Variants in ZNF778 observed in about 807,000 individuals in gnomAD.
ZNF778 encodes the protein zinc finger protein 778.
Under a neutral mutation model 23.9 loss-of-function variants are expected in ZNF778, and 37 were observed. The observed-to-expected ratio is 1.54, with a 90% CI of 1.19 to 2.03. The LOEUF is 2.03. ZNF778 is among the 30% of genes most tolerant of loss of function. ZNF778 has a pLI of 0.00. For missense variants in ZNF778, 1,297 were observed against 934.4 expected (o/e 1.39, Z -5.06); for synonymous variants, 483 against 343.9 (o/e 1.40, Z -4.48).
intron 5 of ZNF778, 27 bp downstream of exon 5, chr16:89,224,829 A>T (rs2031321845): frequency 1.0e-5 from 15 of 1,468,884 alleles, no homozygotes; most frequent in Non-Finnish European, 1.4e-5. Flanking sequence ...CGCCTGGTCG[A>T]TGTCAAGTTT....
At chr16:89,225,118 T>A (rs1466339511) in intron 5 of ZNF778, among the ~76,000 whole-genome samples, 1 of 92,710 alleles carries the variant, frequency 1.1e-5, no homozygotes, top group East Asian at 3.0e-4. Context: ...TGGGTTTTTT[T>A]TTTTTTTTTT....
rs769959029 is a variant in ZNF778 at position 89,227,950 on chromosome 16, TCACA to T, written c.1665_1668del (p.His555GlnfsTer21). On this transcript the variant is annotated frameshift_variant, in exon 7 of 7. Coordinates refer to ENST00000433976, the MANE Select transcript of ZNF778 (RefSeq NM_001201407.2). LOFTEE classifies it low-confidence loss of function (END_TRUNC). ...ATCTACTGAATGAGCATGTGAAAAC[TCACA>T]CAGAGGAGAAGCCCTTTATATGTAC... The T allele has an allele frequency of 3.1e-6, 5 of 1,589,786 alleles. No homozygotes were observed. The highest frequency in any genetic ancestry group is 4.3e-6 in the Non-Finnish European group (5 of 1,165,162).
At chr16:89,221,850 G>A (rs1422259592) in intron 2 of ZNF778, among the ~76,000 whole-genome samples, 2 of 151,368 alleles carry the variant, frequency 1.3e-5, no homozygotes, top group African/African-American at 4.9e-5. Flanking sequence ...TTGAGGAAGT[G>A]TATGGCTGTG....
At position 89,229,071 on chromosome 16, in the gene ZNF778, T is replaced by C. The variant is rs1329652286; in HGVS notation, c.*509T>C. 3.3e-5 allele frequency: 33 copies of C among 992,326 alleles called. No homozygotes were observed. The highest frequency in any genetic ancestry group is 4.0e-5 in the Non-Finnish European group (33 of 834,458). The allele number at this position is 992,326 out of a possible 1,614,324, so 61.5% of individuals were successfully genotyped here. On this transcript the variant is annotated 3_prime_UTR_variant, in exon 7 of 7. Transcript: ENST00000433976. Reference sequence around the variant, plus strand: ...GTTCTGTAGACGTATTTTGAATCTTTATGATGCTGCACTGATCATTCTTGG... The same window carrying C: ...GTTCTGTAGACGTATTTTGAATCTTCATGATGCTGCACTGATCATTCTTGG...
In ZNF778 at chr16:89,228,382, G is replaced by A. The variant is rs1441630811; in HGVS notation, c.2094G>A (p.Gln698=). 1 of 1,613,796 alleles carries A rather than the reference G, an allele frequency of 6.2e-7. No homozygotes were observed. The highest frequency in any genetic ancestry group is 1.1e-5 in the South Asian group (1 of 91,022). ...LHKHGRIHTG[Q]KPYKCKECGK... ...AACATGGAAGAATTCACACTGGGCA[G>A]AAACCCTATAAATGTAAGGAATGTG... is the stretch of plus-strand genomic sequence containing the variant. Residue 698 remains glutamine (Q), a synonymous_variant, in exon 7 of 7, where the codon CAG becomes CAA. Coordinates refer to ENST00000433976, the MANE Select transcript of ZNF778 (RefSeq NM_001201407.2).
chr16:89,222,157 G>C lies in ZNF778; in HGVS notation c.91G>C (p.Ala31Pro), dbSNP rs747537777. 1.2e-6 allele frequency: 2 copies of C among 1,603,946 alleles called. No homozygotes were observed. The highest frequency in any genetic ancestry group is 1.7e-6 in the Non-Finnish European group (2 of 1,173,374). The change falls in exon 3 of 7, where the codon GCT becomes CCT. Residue 31 changes from alanine (A) to proline (P), a missense_variant. Transcript: ENST00000433976. Reference sequence around the variant, plus strand: ...ACAGACACAGGCAGCAGGGATGGTGGCTGGCTGGCTGATAAATTGTTACCA... The same window carrying C: ...ACAGACACAGGCAGCAGGGATGGTGCCTGGCTGGCTGATAAATTGTTACCA... ...EEQTQAAGMV[A>P]GWLINCYQDA...
rs1366123291 is a variant in ZNF778, at chr16:89,232,968, T to G, written c.*4406T>G. The G allele has an allele frequency of 3.2e-6, 4 of 1,265,732 alleles. No individual in the cohort carries two copies. The Admixed American group carries it at 9.6e-5, about 30-fold the overall frequency. 78.4% of individuals were successfully genotyped at this position (1,265,732 alleles called of 1,614,324 possible). A position where few individuals can be genotyped will look rare whatever the true frequency, so the allele number is the denominator to read the frequency against. ...TATGCAACTCAGCTCGCTCTGCGTA[T>G]GCAACTGAGCTCGCTCTGCGTATGC... On this transcript the variant is annotated 3_prime_UTR_variant, in exon 7 of 7. Transcript: ENST00000433976.
rs1043912153 is a variant in ZNF778, at chr16:89,232,920, C to T, written c.*4358C>T. 7.8e-6 allele frequency: 10 copies of T among 1,276,218 alleles called. No individual in the cohort carries two copies. Among genetic ancestry groups the T allele is most frequent in the African/African-American group, 1.6e-5 (1 of 62,480 alleles). The allele number at this position is 1,276,218 out of a possible 1,614,324, so 79.1% of individuals were successfully genotyped here. On this transcript the variant is annotated 3_prime_UTR_variant, in exon 7 of 7. Transcript: ENST00000433976. ...TGCGTATGCAACTCAACTCGCACTG[C>T]GTATGCGAATCCACTCACTGCCTAT... is the stretch of plus-strand genomic sequence containing the variant.
At chr16:89,223,095 A>C (rs2031125808) in intron 3 of ZNF778, 62 bp from the exon 4 acceptor site, 2 of 1,572,960 alleles carry the variant, frequency 1.3e-6, no homozygotes, top group Non-Finnish European at 1.7e-6. Context: ...CCGCCTCCTC[A>C]TTCTTCAGTG....
rs1388556564 is a variant in ZNF778, at chr16:89,230,016, T to C, written c.*1454T>C. On this transcript the variant is annotated 3_prime_UTR_variant, in exon 7 of 7. Coordinates refer to ENST00000433976, the MANE Select transcript of ZNF778 (RefSeq NM_001201407.2). ...CTGTGTGAGCAGTGTAGGCTCTGGT[T>C]GGTTAGTCTTAAGTATCCAGATGGG... 5.1e-6 allele frequency: 5 copies of C among 981,248 alleles called. No individual in the cohort carries two copies. The African/African-American group carries it at 8.8e-5, about 17-fold the overall frequency. 60.8% of individuals were successfully genotyped at this position (981,248 alleles called of 1,614,324 possible).
Position 89,234,074 on chromosome 16 carries a change from C to A in ZNF778, c.*5512C>A. On this transcript the variant is annotated 3_prime_UTR_variant, in exon 7 of 7. Transcript: ENST00000433976. Reference sequence around the variant, plus strand: ...TGCCTCCTGCCCAGCTCTGCAGCTCCCCTTGGGCCCTGCCTGGAGTGATGT... The same window carrying A: ...TGCCTCCTGCCCAGCTCTGCAGCTCACCTTGGGCCCTGCCTGGAGTGATGT... 2 of 640,414 alleles carry A rather than the reference C, an allele frequency of 3.1e-6. No individual in the cohort carries two copies. The highest frequency in any genetic ancestry group is 1.9e-5 in the African/African-American group (1 of 53,694). The allele number at this position is 640,414 out of a possible 1,614,324, so 39.7% of individuals were successfully genotyped here. A position where few individuals can be genotyped will look rare whatever the true frequency, so the allele number is the denominator to read the frequency against.
intron 1 of ZNF778, among the ~76,000 whole-genome samples, chr16:89,219,727 T>A (rs763370123): frequency 4.6e-5 from 7 of 152,234 alleles, no homozygotes; most frequent in Non-Finnish European, 1.0e-4. Flanking sequence ...TCCTGCACCC[T>A]GAATGTGCAC....
At chr16:89,224,603 C>T (rs543006751) in intron 4 of ZNF778, 116 bp from the exon 5 acceptor site, 10 of 723,528 alleles carry the variant, frequency 1.4e-5, no homozygotes, top group Admixed American at 2.2e-5. Context: ...TGGGCAACAG[C>T]GCGAGACGCT....
Position 89,226,736 on chromosome 16 carries a change from T to A in ZNF778, c.448T>A (p.Cys150Ser). Residue 150 changes from cysteine (C) to serine (S), a missense_variant, in exon 7 of 7, where the codon TGT (cysteine) becomes AGT (serine). Coordinates refer to ENST00000433976, the MANE Select transcript of ZNF778 (RefSeq NM_001201407.2). ...NGGQLCDRTQ[C>S]GEAFSEHSGL... ...AGGGCAGCTCTGTGACCGCACGCAGTGTGGAGAAGCTTTCAGTGAACACTC... is the reference window on the plus strand; with the variant it reads ...AGGGCAGCTCTGTGACCGCACGCAGAGTGGAGAAGCTTTCAGTGAACACTC... The A allele has an allele frequency of 6.2e-7, 1 of 1,613,836 alleles. No homozygotes were observed. The highest frequency in any genetic ancestry group is 8.5e-7 in the Non-Finnish European group (1 of 1,179,800).
At chr16:89,218,440 C>A (rs569889830) in intron 1 of ZNF778, 2 of 152,216 alleles carry the variant, frequency 1.3e-5, no homozygotes, top group Non-Finnish European at 2.9e-5. Flanking sequence ...GGTAAAGCGT[C>A]TGTTAAGGGT....
At chr16:89,218,980 G>A (rs537321929) in intron 1 of ZNF778, among the ~76,000 whole-genome samples, 1 of 151,614 alleles carries the variant, frequency 6.6e-6, no homozygotes, top group Admixed American at 6.6e-5. Context: ...GGTGGCGCAT[G>A]CCTGTAATCC....
chr16:89,232,860 A>ATCAACTCGCACTGCGTCTGCAAC lies in ZNF778; in HGVS notation c.*4314_*4315insCTGCAACTCAACTCGCACTGCGT, dbSNP rs2032003641. ...AACTCAACTCACACCGTGTATGCAA[A>ATCAACTCGCACTGCGTCTGCAAC]TCAACTCGCACTGCGTATGCAACTC... On this transcript the variant is annotated 3_prime_UTR_variant, in exon 7 of 7. Coordinates refer to ENST00000433976, the MANE Select transcript of ZNF778 (RefSeq NM_001201407.2). The ATCAACTCGCACTGCGTCTGCAAC allele has an allele frequency of 8.8e-7, 1 of 1,141,174 alleles. No individual in the cohort carries two copies. Among genetic ancestry groups the ATCAACTCGCACTGCGTCTGCAAC allele is most frequent in the Admixed American group, 2.5e-5 (1 of 39,408 alleles). The allele number at this position is 1,141,174 out of a possible 1,614,324, so 70.7% of individuals were successfully genotyped here.
Position 89,227,522 on chromosome 16 carries a change from G to A in ZNF778, c.1234G>A (p.Val412Ile). 2 of 1,614,068 alleles carry A rather than the reference G, an allele frequency of 1.2e-6. No individual in the cohort carries two copies. The highest frequency in any genetic ancestry group is 1.7e-6 in the Non-Finnish European group (2 of 1,179,990). The part of the protein sequence containing the change: ...FRNSSCLNNH[V>I]RIHTGIKPYT... ...AAATTCCTCATGCCTTAATAATCATGTTCGAATTCACACTGGAATAAAACC... is the reference window on the plus strand; with the variant it reads ...AAATTCCTCATGCCTTAATAATCATATTCGAATTCACACTGGAATAAAACC... The change falls in exon 7 of 7, where the codon GTT (valine) becomes ATT (isoleucine). Residue 412 changes from valine (V) to isoleucine (I), a missense_variant. Val to Ile is a conservative substitution (Grantham distance 29, BLOSUM62 3). Coordinates refer to ENST00000433976, the MANE Select transcript of ZNF778 (RefSeq NM_001201407.2).
chr16:89,227,367 C>T lies in ZNF778; in HGVS notation c.1079C>T (p.Pro360Leu). 4 of 1,613,956 alleles carry T rather than the reference C, an allele frequency of 2.5e-6. No homozygotes were observed. The highest frequency in any genetic ancestry group is 3.4e-6 in the Non-Finnish European group (4 of 1,179,858). The change falls in exon 7 of 7, where the codon CCT becomes CTT. Residue 360 changes from proline to leucine, a missense_variant. Physicochemically the swap from Pro to Leu is moderately conservative, Grantham distance 98 (BLOSUM62 -3). Transcript: ENST00000433976. ...CTTTCTAAACACGTCCAAACAGACCCTGGACAGAAGCCCTATGAATGTAAG... is the reference window on the plus strand; with the variant it reads ...CTTTCTAAACACGTCCAAACAGACCTTGGACAGAAGCCCTATGAATGTAAG... ...SGLSKHVQTD[P>L]GQKPYECKDC...
Sources: allele counts gnomAD v4.1 joint callset (sites outside exome capture counted in the v4.1 genomes callset), GRCh38; gene constraint gnomAD v4.1.1; transcripts MANE v1.5; gene names NCBI Gene and HGNC (gene_info 2026-07-23, HGNC 2026-07-21).